Variants in RPGRIP1L observed in about 807,000 individuals in gnomAD.
RPGRIP1L encodes protein fantom.
Under a neutral mutation model 160.4 loss-of-function variants are expected in RPGRIP1L, and 131 were observed. The ratio of observed to expected loss-of-function variants is 0.82; its 90% confidence interval spans 0.71 to 0.94. RPGRIP1L has a LOEUF of 0.94. RPGRIP1L is among the 40% of genes least tolerant of loss of function. RPGRIP1L has a pLI of 0.00. For synonymous variants in RPGRIP1L, 510 were observed against 515.8 expected (o/e 0.99, Z 0.15); for missense variants, 1,522 against 1,535.8 (o/e 0.99, Z 0.15).
intron 15 of RPGRIP1L, among the ~76,000 whole-genome samples, chr16:53,649,847 A>G (rs927337514): frequency 2.6e-5 from 4 of 152,192 alleles, no homozygotes; most frequent in African/African-American, 7.2e-5. Flanking sequence ...CTAATACGCC[A>G]TAAGTTTCTT....
chr16:53,607,705 A>C (rs953724731), intron 25 of RPGRIP1L, among the ~76,000 whole-genome samples: 2 of 152,186 alleles, frequency 1.3e-5, no homozygotes, highest in Admixed American at 6.5e-5. Context: ...GTGGCAAAAG[A>C]AAGCCTTCTA....
rs1213528687 is a variant in RPGRIP1L at position 53,599,186 on chromosome 16, G to A, written c.*2890C>T. On this transcript the variant is annotated 3_prime_UTR_variant, in exon 27 of 27. Transcript: ENST00000647211. ...AGCCCACATGTCTTCATAACACATA[G>A]AAATTATTTGTGTTTTGTGGTAACG... 2.0e-5 allele frequency: 3 copies of A among 152,180 alleles called. No homozygotes were observed. The highest frequency in any genetic ancestry group is 1.3e-4 in the Admixed American group (2 of 15,272). 9.4% of individuals were successfully genotyped at this position (152,180 alleles called of 1,614,324 possible).
intron 15 of RPGRIP1L, among the ~76,000 whole-genome samples, chr16:53,650,303 C>T (rs551725684): frequency 2.0e-4 from 31 of 152,294 alleles, no homozygotes; most frequent in African/African-American, 5.5e-4. Flanking sequence ...CAGATGTGAA[C>T]ACCTTGATAT....
chr16:53,696,373 T>C (rs892135240), intron 2 of RPGRIP1L, 78 bp from the exon 3 acceptor site: 9 of 1,421,380 alleles, frequency 6.3e-6, no homozygotes, highest in Middle Eastern at 1.8e-4. Context: ...ATATAATCTC[T>C]GATGCACTCA....
chr16:53,623,102 GA>G (rs1964846652), intron 22 of RPGRIP1L, among the ~76,000 whole-genome samples: 1 of 152,174 alleles, frequency 6.6e-6, no homozygotes, highest in African/African-American at 2.4e-5. Flanking sequence ...GGGAGATAAA[GA>G]AAAATAAGAT....
At chr16:53,623,167 G>A (rs1185316871) in intron 22 of RPGRIP1L, among the ~76,000 whole-genome samples, 1 of 152,112 alleles carries the variant, frequency 6.6e-6, no homozygotes, top group East Asian at 1.9e-4. Context: ...TCTCATGGGG[G>A]TAACTAATAC....
rs184526866 is a variant in RPGRIP1L, at chr16:53,624,081, G to A, written c.3295-1725C>T. Among the ~76,000 whole-genome samples the A allele has an allele frequency of 2.0e-5, 3 of 152,058 alleles. No homozygotes were observed. The East Asian group carries it at 5.8e-4, about 29-fold the overall frequency. On this transcript the variant is annotated intron_variant, in intron 22 of 26. Transcript: ENST00000647211. ...TATTTTTTAAATTTTTTGTAGAGAC[G>A]GGGTTTCACTATGTTGCCCGGACTG...
chr16:53,640,935 C>T (rs1966173151), intron 19 of RPGRIP1L, 98 bp downstream of exon 19: 1 of 845,754 alleles, frequency 1.2e-6, no homozygotes. Flanking sequence ...CTTTATTCAC[C>T]TGTTTCCATT....
At position 53,622,223 on chromosome 16, in the gene RPGRIP1L, G is replaced by C. The variant is rs111775292; in HGVS notation, c.3428C>G (p.Thr1143Ser). The C allele has an allele frequency of 0.14, 90,963 of 661,030 alleles. 6,724 individuals are homozygous for C. Among genetic ancestry groups the C allele is most frequent in the Middle Eastern group, 0.19 (490 of 2,562 alleles). 40.9% of individuals were successfully genotyped at this position (661,030 alleles called of 1,614,324 possible). ...GCTAAAATTACAAAAAATTACCTGG[G>C]TGTGGTGGCAGGCACCTGTAATCCC... ...VDGITGACHH[T>S]QPSEKIRIEI... is the part of the protein sequence containing the mutation. The change falls in exon 23 of 27, where the codon ACC (threonine) becomes AGC (serine). Residue 1143 changes from threonine to serine, a missense_variant. Physicochemically the swap from Thr to Ser is moderately conservative, Grantham distance 58 (BLOSUM62 1). Transcript: ENST00000647211.
chr16:53,610,000 C>T (rs556321786), intron 25 of RPGRIP1L, among the ~76,000 whole-genome samples: 3 of 152,054 alleles, frequency 2.0e-5, no homozygotes, highest in South Asian at 2.1e-4. Context: ...TCTCCTAAGG[C>T]GGCAGAGTCA....
Position 53,619,190 on chromosome 16 carries a change from T to G in RPGRIP1L, c.3451A>C (p.Ile1151Leu), listed in dbSNP as rs886038619. The change falls in exon 24 of 27, where the codon ATT becomes CTT. Residue 1151 changes from isoleucine (I) to leucine (L), a missense_variant. By Grantham distance (5) the Ile-to-Leu change is conservative. Transcript: ENST00000647211. ...HHTQPSEKIR[I>L]EIIALSLNDS... ...TTAAGGCTTAGAGCTATGATCTCAATCCGAATTTTTTCTGATGGCTGTTTA... is the reference window on the plus strand; with the variant it reads ...TTAAGGCTTAGAGCTATGATCTCAAGCCGAATTTTTTCTGATGGCTGTTTA... 11 of 1,613,372 alleles carry G rather than the reference T, an allele frequency of 6.8e-6. No individual in the cohort carries two copies. Among genetic ancestry groups the G allele is most frequent in the Middle Eastern group, 1.8e-4 (1 of 5,506 alleles).
chr16:53,690,998 G>A lies in RPGRIP1L; in HGVS notation c.529+1068C>T, dbSNP rs544934192. ...GCAGCTGCCTCCTGCCTGTGTGGAG[G>A]CCTTATTGACTTCAAAGGAACTCTA... On this transcript the variant is annotated intron_variant, in intron 4 of 26. Transcript: ENST00000647211. Among the ~76,000 whole-genome samples the A allele has an allele frequency of 2.6e-5, 4 of 152,242 alleles. No homozygotes were observed. The East Asian group carries it at 7.7e-4, about 29-fold the overall frequency.
At chr16:53,623,805 T>C (rs1369170295) in intron 22 of RPGRIP1L, among the ~76,000 whole-genome samples, 1 of 152,192 alleles carries the variant, frequency 6.6e-6, no homozygotes, top group Non-Finnish European at 1.5e-5. Flanking sequence ...TCTTACTCAT[T>C]TTTTGCTACT....
intron 2 of RPGRIP1L, among the ~76,000 whole-genome samples, chr16:53,697,527 GGTTTTC>G (rs199504679): frequency 0.051 from 7,698 of 152,222 alleles, 372 homozygotes; most frequent in East Asian, 0.3. Flanking sequence ...ACGCCTGGCT[GGTTTTC>G]GTATTTTTTT....
rs2151071735 is a variant in RPGRIP1L at position 53,643,515 on chromosome 16, T to C, written c.2684-2040A>G. 1.3e-5 allele frequency among the ~76,000 whole-genome samples: 2 copies of C among 152,170 alleles called. 1 individual carries two copies. Among genetic ancestry groups the C allele is most frequent in the South Asian group, 4.2e-4 (2 of 4,818 alleles). The stretch of plus-strand genomic sequence containing the variant: ...CAGGCTTGTAGACTGAACTTTGATT[T>C]GAATGCATCCTCCATGCCACACACT... On this transcript the variant is annotated intron_variant, in intron 17 of 26. Coordinates refer to ENST00000647211, the MANE Select transcript of RPGRIP1L (RefSeq NM_015272.5).
intron 16 of RPGRIP1L, among the ~76,000 whole-genome samples, chr16:53,648,622 G>GCACA (rs1372621947): frequency 0.14 from 14,448 of 101,884 alleles, 767 homozygotes; most frequent in East Asian, 0.2. Context: ...GTGCGCGCGC[G>GCACA]CGCGCACACA....
At chr16:53,631,075 C>G (rs1965487607) in intron 22 of RPGRIP1L, among the ~76,000 whole-genome samples, 1 of 152,166 alleles carries the variant, frequency 6.6e-6, no homozygotes, top group Non-Finnish European at 1.5e-5. Context: ...CTAGCTTAAG[C>G]TTCCACATGT....
Position 53,612,671 on chromosome 16 carries a change from T to A in RPGRIP1L, c.3617-1620A>T, listed in dbSNP as rs931835844. Among the ~76,000 whole-genome samples the A allele has an allele frequency of 3.9e-5, 6 of 152,160 alleles. No homozygotes were observed. In the East Asian group the frequency reaches 1.2e-3, roughly 29 times the overall value. On this transcript the variant is annotated intron_variant, in intron 24 of 26. Coordinates refer to ENST00000647211, the MANE Select transcript of RPGRIP1L (RefSeq NM_015272.5). The stretch of plus-strand genomic sequence containing the variant: ...AATGCCAGCATCCAAATAAAGGGTC[T>A]TCCAATTAAACCTAGACCAGATTTG...
At chr16:53,621,805 G>A (rs933319842) in intron 23 of RPGRIP1L, among the ~76,000 whole-genome samples, 3 of 151,168 alleles carry the variant, frequency 2.0e-5, no homozygotes, top group Admixed American at 1.3e-4. Context: ...GGCGGATCAC[G>A]AGGTCAGGAG....
Sources: allele counts gnomAD v4.1 joint callset (sites outside exome capture counted in the v4.1 genomes callset), GRCh38; gene constraint gnomAD v4.1.1; transcripts MANE v1.5; gene names NCBI Gene and HGNC (gene_info 2026-07-23, HGNC 2026-07-21).